Variants in DCDC2 observed in about 807,000 individuals in gnomAD.
DCDC2 encodes the protein doublecortin domain-containing protein 2.
A neutral mutation model predicts 50.2 loss-of-function variants in DCDC2; 40 were observed. That is an observed-to-expected ratio of 0.80 (90% CI 0.62 to 1.04). The LOEUF (loss-of-function observed/expected upper bound fraction) is 1.04, where lower values mean the gene tolerates loss of function less well. DCDC2 is among the 50% of genes least tolerant of loss of function. DCDC2 has a pLI of 0.00. For synonymous variants in DCDC2, 234 were observed against 210.6 expected, an observed-to-expected ratio of 1.11 and a Z score of -0.96; for missense variants, 570 against 581.9, an observed-to-expected ratio of 0.98 and a Z score of 0.21.
intron 2 of DCDC2, among the ~76,000 whole-genome samples, chr6:24,302,295 A>G (rs1270199728): frequency 2.1e-4 from 1 of 4,652 alleles, no homozygotes; most frequent in African/African-American, 5.4e-4. Context: ...TGATCTGTGG[A>G]AAAAAAAAAA....
the DCDC2 span, among the ~76,000 whole-genome samples, chr6:24,380,787 G>C: frequency 6.6e-6 from 1 of 152,252 alleles, no homozygotes; most frequent in East Asian, 1.9e-4. Flanking sequence ...CTTTATTAAG[G>C]TATAATTGAC....
At chr6:24,304,970 A>T (rs1759444633) in intron 2 of DCDC2, among the ~76,000 whole-genome samples, 6 of 152,188 alleles carry the variant, frequency 3.9e-5, no homozygotes, top group South Asian at 4.1e-4. Flanking sequence ...CTCTGCTGTT[A>T]TCTCTTCAAT....
chr6:24,290,291 C>T (rs1030906274), intron 5 of DCDC2, among the ~76,000 whole-genome samples: 3 of 151,762 alleles, frequency 2.0e-5, no homozygotes, highest in Non-Finnish European at 4.4e-5. Context: ...CCGCGCCCGG[C>T]CCAGAGCTCT....
At chr6:24,219,836 C>T (rs1329200436) in intron 7 of DCDC2, among the ~76,000 whole-genome samples, 1 of 152,128 alleles carries the variant, frequency 6.6e-6, no homozygotes, top group Admixed American at 6.5e-5. Flanking sequence ...ACCAAGCAAG[C>T]GTGTTAGGTC....
intron 7 of DCDC2, among the ~76,000 whole-genome samples, chr6:24,240,266 C>G (rs1401044520): frequency 1.3e-5 from 2 of 152,098 alleles, no homozygotes; most frequent in Admixed American, 1.3e-4. Flanking sequence ...AATTATCATC[C>G]TTGAATCCTC....
At chr6:24,267,784 C>T (rs1763156556) in intron 7 of DCDC2, among the ~76,000 whole-genome samples, 1 of 152,210 alleles carries the variant, frequency 6.6e-6, no homozygotes, top group African/African-American at 2.4e-5. Flanking sequence ...CACAAGGGAA[C>T]CCTTGCACTG....
intron 2 of DCDC2, among the ~76,000 whole-genome samples, chr6:24,314,569 T>C (rs977423389): frequency 6.6e-6 from 1 of 151,974 alleles, no homozygotes; most frequent in Non-Finnish European, 1.5e-5. Flanking sequence ...GCTAAGGCAA[T>C]AGGAACCTCC....
intron 2 of DCDC2, among the ~76,000 whole-genome samples, chr6:24,352,517 C>G (rs1760391890): frequency 6.6e-6 from 1 of 152,068 alleles, no homozygotes; most frequent in Non-Finnish European, 1.5e-5. Context: ...AAAATACAAG[C>G]CAAAATATTA....
At chr6:24,305,795 G>GC (rs1561767898) in intron 2 of DCDC2, among the ~76,000 whole-genome samples, 1 of 106,482 alleles carries the variant, frequency 9.4e-6, no homozygotes, top group African/African-American at 5.5e-5. Flanking sequence ...GGGAGGCCAA[G>GC]GGGGGGTGGA....
chr6:24,369,133 C>CAAAAAAAA, the DCDC2 span, among the ~76,000 whole-genome samples: 126 of 92,734 alleles, frequency 1.4e-3, no homozygotes, highest in African/African-American at 3.2e-3. Flanking sequence ...GACTCTGTCT[C>CAAAAAAAA]AAAAAAAAAA....
chr6:24,277,518 T>C (rs1763387376), intron 7 of DCDC2, among the ~76,000 whole-genome samples: 1 of 152,230 alleles, frequency 6.6e-6, no homozygotes, highest in South Asian at 2.1e-4. Flanking sequence ...CAATTTTTTA[T>C]TTTTATTTTA....
chr6:24,303,961 C>T (rs2113839818), intron 2 of DCDC2, among the ~76,000 whole-genome samples: 1 of 152,282 alleles, frequency 6.6e-6, no homozygotes, highest in Middle Eastern at 3.4e-3. Flanking sequence ...TAGAATTATG[C>T]CATCTCTGAG....
chr6:24,318,510 G>C (rs1002333443), intron 2 of DCDC2, among the ~76,000 whole-genome samples: 1 of 152,062 alleles, frequency 6.6e-6, no homozygotes, highest in Admixed American at 6.6e-5. Context: ...CTGGAATAAT[G>C]TACAATGTAT....
intron 2 of DCDC2, among the ~76,000 whole-genome samples, chr6:24,323,228 C>T (rs1157045238): frequency 6.6e-6 from 1 of 152,174 alleles, no homozygotes; most frequent in Non-Finnish European, 1.5e-5. Flanking sequence ...AAATAACTGA[C>T]TTTCAAAATT....
At chr6:24,241,846 C>T (rs1176669817) in intron 7 of DCDC2, among the ~76,000 whole-genome samples, 4 of 152,194 alleles carry the variant, frequency 2.6e-5, no homozygotes, top group Admixed American at 6.5e-5. Flanking sequence ...TCATATTTTA[C>T]TGGCTTTTCA....
chr6:24,328,875 A>G lies in DCDC2; in HGVS notation c.348+24694T>C, dbSNP rs76926257. Among the ~76,000 whole-genome samples the G allele has an allele frequency of 3.6e-3, 552 of 152,330 alleles. 11 individuals are homozygous for G. Among genetic ancestry groups the G allele is most frequent in the Admixed American group, 0.027 (406 of 15,300 alleles). ...CTCTTCCTTGGAAAGCAGGAGCCACATAGTTCTCATTTTTCATCAACATCA... is the reference window on the plus strand; with the variant it reads ...CTCTTCCTTGGAAAGCAGGAGCCACGTAGTTCTCATTTTTCATCAACATCA... On this transcript the variant is annotated intron_variant, in intron 2 of 9. Coordinates refer to ENST00000378454, the MANE Select transcript of DCDC2 (RefSeq NM_016356.5).
At chr6:24,224,827 CT>C (rs1398576862) in intron 7 of DCDC2, among the ~76,000 whole-genome samples, 4 of 152,156 alleles carry the variant, frequency 2.6e-5, no homozygotes, top group Non-Finnish European at 5.9e-5. Context: ...ACTATACAGA[CT>C]GATTAACTCC....
intron 2 of DCDC2, among the ~76,000 whole-genome samples, chr6:24,312,014 AT>A (rs1759578999): frequency 6.6e-6 from 1 of 152,154 alleles, no homozygotes; most frequent in African/African-American, 2.4e-5. Flanking sequence ...AACTGATGAC[AT>A]TCCACCATTG....
chr6:24,207,256 T>TTCTCTCTCTCTC (rs60603298), intron 7 of DCDC2, among the ~76,000 whole-genome samples: 1,967 of 129,592 alleles, frequency 0.015, 24 homozygotes, highest in African/African-American at 0.021. Context: ...CCATCTATCT[T>TTCTCTCTCTCTC]TCTCTCTCTC....
Sources: allele counts gnomAD v4.1 joint callset (sites outside exome capture counted in the v4.1 genomes callset), GRCh38; gene constraint gnomAD v4.1.1; transcripts MANE v1.5; gene names NCBI Gene and HGNC (gene_info 2026-07-23, HGNC 2026-07-21).